Variants in UHRF2 observed in about 807,000 individuals in gnomAD.
UHRF2 encodes the protein ubiquitin like with PHD and ring finger domains 2.
A neutral mutation model predicts 96.8 loss-of-function variants in UHRF2; 23 were observed. The ratio of observed to expected loss-of-function variants is 0.24; its 90% CI spans 0.17 to 0.34. UHRF2 has a LOEUF of 0.34. UHRF2 is among the 10% of genes least tolerant of loss of function. The pLI is 1.00. For missense variants in UHRF2, 685 were observed against 981.5 expected, an observed-to-expected ratio of 0.70 and a Z score of 4.04; for synonymous variants, 385 against 332.6, an observed-to-expected ratio of 1.16 and a Z score of -1.72.
intron 3 of UHRF2, among the ~76,000 whole-genome samples, chr9:6,444,088 T>C (rs1029544375): frequency 2.0e-5 from 3 of 152,246 alleles, no homozygotes; most frequent in African/African-American, 7.2e-5. Flanking sequence ...AAAATGTTTT[T>C]AATAGTGTCA....
At chr9:6,451,618 C>A (rs1230314853) in intron 3 of UHRF2, among the ~76,000 whole-genome samples, 1 of 149,160 alleles carries the variant, frequency 6.7e-6, no homozygotes, top group African/African-American at 2.5e-5. Flanking sequence ...GTAGCTGGGA[C>A]TACAGGCGCC....
chr9:6,469,798 A>G (rs1587840317), intron 4 of UHRF2, among the ~76,000 whole-genome samples: 2 of 150,998 alleles, frequency 1.3e-5, no homozygotes, highest in African/African-American at 4.8e-5. Flanking sequence ...ATATATGTGT[A>G]TATATATATT....
At chr9:6,438,687 G>A (rs939992904) in intron 3 of UHRF2, among the ~76,000 whole-genome samples, 1 of 152,206 alleles carries the variant, frequency 6.6e-6, no homozygotes, top group African/African-American at 2.4e-5. Flanking sequence ...GGTATGCAAT[G>A]TTTGTCAGTT....
rs753032950 is a variant in UHRF2, at chr9:6,504,646, A to G, written c.2217A>G (p.Leu739=). The G allele has an allele frequency of 1.2e-6, 2 of 1,613,956 alleles. No homozygotes were observed. Among genetic ancestry groups the G allele is most frequent in the East Asian group, 2.2e-5 (1 of 44,856 alleles). Residue 739 remains leucine, a synonymous_variant, in exon 15 of 16, where the codon CTA becomes CTG. Transcript: ENST00000276893. ...TTATGTGCGTTTGCTGTCAGGAGCTAGTTTACCAGCCTGTGACAACTGAGT... is the reference window on the plus strand; with the variant it reads ...TTATGTGCGTTTGCTGTCAGGAGCTGGTTTACCAGCCTGTGACAACTGAGT... The part of the protein sequence containing the change: ...QSFMCVCCQE[L]VYQPVTTECF...
At chr9:6,451,998 C>T (rs1051404093) in intron 3 of UHRF2, among the ~76,000 whole-genome samples, 5 of 151,836 alleles carry the variant, frequency 3.3e-5, no homozygotes, top group African/African-American at 1.2e-4. Context: ...GTATATATGC[C>T]ATATACCCAT....
At chr9:6,432,503 A>C (rs887800803) in intron 2 of UHRF2, among the ~76,000 whole-genome samples, 5 of 152,340 alleles carry the variant, frequency 3.3e-5, no homozygotes, top group East Asian at 3.9e-4. Context: ...GATGTCTTCA[A>C]ATCCTAACCT....
chr9:6,497,838 C>T (rs569106513), intron 11 of UHRF2, among the ~76,000 whole-genome samples, 180 bp from the exon 12 acceptor site: 1 of 152,148 alleles, frequency 6.6e-6, no homozygotes, highest in Non-Finnish European at 1.5e-5. Context: ...ATGGGAAGTA[C>T]TGTAATAGGA....
At chr9:6,473,883 T>C (rs1304762980) in intron 4 of UHRF2, among the ~76,000 whole-genome samples, 3 of 152,206 alleles carry the variant, frequency 2.0e-5, no homozygotes, top group African/African-American at 7.2e-5. Context: ...GAAAAAACTG[T>C]TTAACCCATA....
intron 3 of UHRF2, among the ~76,000 whole-genome samples, chr9:6,451,087 A>G (rs1347424116): frequency 6.6e-6 from 1 of 152,194 alleles, no homozygotes; most frequent in South Asian, 2.1e-4. Context: ...CACAGTTCCT[A>G]GTGATATCAC....
At chr9:6,458,129 G>A (rs1212346874) in intron 3 of UHRF2, among the ~76,000 whole-genome samples, 2 of 152,142 alleles carry the variant, frequency 1.3e-5, no homozygotes, top group East Asian at 3.8e-4. Flanking sequence ...CTGTGAATCC[G>A]TCTAGTCCTA....
chr9:6,466,216 C>G (rs1474722174), intron 4 of UHRF2, among the ~76,000 whole-genome samples: 1 of 152,066 alleles, frequency 6.6e-6, no homozygotes, highest in African/African-American at 2.4e-5. Context: ...GCCTGGCCAG[C>G]AGGGTGAAAC....
chr9:6,420,859 G>A (rs1373645434), intron 1 of UHRF2, 53 bp from the exon 2 acceptor site: 7 of 1,439,642 alleles, frequency 4.9e-6, no homozygotes, highest in African/African-American at 1.4e-5. Context: ...AACTAAAAAT[G>A]TAGTAAGATA....
intron 9 of UHRF2, among the ~76,000 whole-genome samples, chr9:6,491,833 T>C (rs1168439825): frequency 6.6e-6 from 1 of 152,234 alleles, no homozygotes; most frequent in East Asian, 1.9e-4. Context: ...AGGCACAATT[T>C]AATGGATCAT....
intron 3 of UHRF2, among the ~76,000 whole-genome samples, chr9:6,442,903 G>C (rs369757332): frequency 6.6e-6 from 1 of 151,908 alleles, no homozygotes; most frequent in Non-Finnish European, 1.5e-5. Flanking sequence ...ATGTACTGTC[G>C]GTCAGTCTTA....
chr9:6,491,275 G>A (rs1371346757), intron 9 of UHRF2, among the ~76,000 whole-genome samples: 1 of 152,152 alleles, frequency 6.6e-6, no homozygotes, highest in Admixed American at 6.5e-5. Flanking sequence ...TCCTAGTTGT[G>A]TGATTTTAGG....
rs548426283 is a variant in UHRF2 at position 6,499,987 on chromosome 9, G to A, written c.2005+56G>A. The A allele has an allele frequency of 8.7e-6, 12 of 1,375,092 alleles. No individual in the cohort carries two copies. In the East Asian group the frequency reaches 2.6e-4, roughly 30 times the overall value. 85.2% of individuals were successfully genotyped at this position (1,375,092 alleles called of 1,614,324 possible). A position where few individuals can be genotyped will look rare whatever the true frequency, so the allele number is the denominator to read the frequency against. On this transcript the variant is annotated intron_variant, in intron 13 of 15. Transcript: ENST00000276893. ...ATAACATACTTTTGTTGTTGTTGTTGTTGAGACGGGGTCTCACTCTTGTCA... is the reference window on the plus strand; with the variant it reads ...ATAACATACTTTTGTTGTTGTTGTTATTGAGACGGGGTCTCACTCTTGTCA...
chr9:6,494,393 T>C (rs1338579870), intron 10 of UHRF2: 1 of 153,296 alleles, frequency 6.5e-6, no homozygotes, highest in African/African-American at 2.4e-5. Flanking sequence ...TTAGAATGTC[T>C]GCTAATCAGA....
chr9:6,416,889 C>T (rs897922239), intron 1 of UHRF2, among the ~76,000 whole-genome samples: 1 of 152,186 alleles, frequency 6.6e-6, no homozygotes, highest in Non-Finnish European at 1.5e-5. Flanking sequence ...CATTCTTTCA[C>T]TCCTTACCAC....
intron 4 of UHRF2, among the ~76,000 whole-genome samples, chr9:6,470,441 T>C (rs947724517): frequency 2.0e-5 from 3 of 151,746 alleles, no homozygotes; most frequent in African/African-American, 7.3e-5. Context: ...ATAAAAATAT[T>C]ATCAAATAAA....
Sources: allele counts gnomAD v4.1 joint callset (sites outside exome capture counted in the v4.1 genomes callset), GRCh38; gene constraint gnomAD v4.1.1; transcripts MANE v1.5; gene names NCBI Gene and HGNC (gene_info 2026-07-23, HGNC 2026-07-21).